TRAF4: variants seen among roughly 807,000 people sequenced by gnomAD.
TRAF4 encodes the protein TNF receptor-associated factor 4.
A neutral mutation model predicts 47.3 loss-of-function variants in TRAF4; 9 were observed. The ratio of observed to expected loss-of-function variants is 0.19; its 90% CI spans 0.11 to 0.33. The LOEUF is 0.33. Among genes scored for constraint, TRAF4 ranks in the 10% least tolerant of loss-of-function variants. The pLI is 1.00. For missense variants in TRAF4, 448 were observed against 620.3 expected (o/e 0.72, Z 2.95); for synonymous variants, 236 against 236.9 (o/e 1.00, Z 0.04).
At position 28,744,163 on chromosome 17, in the gene TRAF4, G is replaced by C. The variant is rs183753634; in HGVS notation, c.51G>C (p.Leu17=). The change falls in exon 1 of 7, where the codon CTG becomes CTC. Residue 17 remains leucine (L), a synonymous_variant. Coordinates refer to ENST00000262395, the MANE Select transcript of TRAF4 (RefSeq NM_004295.4). ...KFLEKPKRRL[L]CPLCGKPMRE... is the part of the protein sequence containing the mutation. ...TGGAGAAGCCCAAGCGACGGCTGCT[G>C]TGCCCACTGTGCGGGAAGCCCATGC... The C allele has an allele frequency of 6.3e-6, 10 of 1,596,050 alleles. No individual in the cohort carries two copies. Among genetic ancestry groups the C allele is most frequent in the African/African-American group, 1.3e-5 (1 of 74,464 alleles).
At chr17:28,744,761 G>A (rs530250868) in intron 1 of TRAF4, 7 of 158,416 alleles carry the variant, frequency 4.4e-5, no homozygotes, top group Non-Finnish European at 9.8e-5. Context: ...GTTACTTAAA[G>A]GCTTAACTAG....
In TRAF4 at chr17:28,744,172, G is replaced by A. The variant is rs199796853; in HGVS notation, c.60G>A (p.Leu20=). Residue 20 remains leucine (L), a synonymous_variant, in exon 1 of 7, where the codon CTG becomes CTA. Transcript: ENST00000262395. The part of the protein sequence containing the change: ...EKPKRRLLCP[L]CGKPMREPVQ... Reference sequence around the variant, plus strand: ...CCAAGCGACGGCTGCTGTGCCCACTGTGCGGGAAGCCCATGCGCGAGCCTG... The same window carrying A: ...CCAAGCGACGGCTGCTGTGCCCACTATGCGGGAAGCCCATGCGCGAGCCTG... 13 of 1,596,914 alleles carry A rather than the reference G, an allele frequency of 8.1e-6. No individual in the cohort carries two copies. Among genetic ancestry groups the A allele is most frequent in the African/African-American group, 8.0e-5 (6 of 74,658 alleles).
chr17:28,747,749 T>C (rs1031305235), intron 2 of TRAF4, 94 bp from the exon 3 acceptor site: 26 of 1,257,208 alleles, frequency 2.1e-5, no homozygotes, highest in Middle Eastern at 2.0e-4. Flanking sequence ...TATTACAGGC[T>C]CCAAGGTAGA....
intron 2 of TRAF4, 34 bp downstream of exon 2, chr17:28,747,298 C>T (rs753228894): frequency 6.2e-7 from 1 of 1,608,050 alleles, no homozygotes; most frequent in Non-Finnish European, 8.5e-7. Context: ...AGCCCAAGCA[C>T]AGTCTGTTGC....
rs35932778 is a variant in TRAF4 at position 28,748,316 on chromosome 17, G to A, written c.517G>A (p.Ala173Thr). The A allele has an allele frequency of 8.7e-3, 14,030 of 1,613,768 alleles. 83 individuals are homozygous for A. Among genetic ancestry groups the A allele is most frequent in the Non-Finnish European group, 1.0e-2 (11,761 of 1,179,952 alleles). The change falls in exon 5 of 7, where the codon GCC becomes ACC. Residue 173 changes from alanine to threonine, a missense_variant. Physicochemically the swap from Ala to Thr is moderately conservative, Grantham distance 58. Transcript: ENST00000262395. The part of the protein sequence containing the change: ...ESVYCENKCG[A>T]RMMRRLLAQH... ...TGTCTACTGTGAGAATAAGTGTGGT[G>A]CCCGCATGATGCGGCGGCTGCTGGC...
In TRAF4 at chr17:28,748,317, C is replaced by A. The variant is rs2034547595; in HGVS notation, c.518C>A (p.Ala173Asp). 3 of 1,613,666 alleles carry A rather than the reference C, an allele frequency of 1.9e-6. No individual in the cohort carries two copies. Among genetic ancestry groups the A allele is most frequent in the Non-Finnish European group, 2.5e-6 (3 of 1,179,952 alleles). Residue 173 changes from alanine (A) to aspartate (D), a missense_variant, in exon 5 of 7, where the codon GCC becomes GAC. Physicochemically the swap from Ala to Asp is moderately radical, Grantham distance 126. Coordinates refer to ENST00000262395, the MANE Select transcript of TRAF4 (RefSeq NM_004295.4). ...ESVYCENKCG[A>D]RMMRRLLAQH... Reference sequence around the variant, plus strand: ...GTCTACTGTGAGAATAAGTGTGGTGCCCGCATGATGCGGCGGCTGCTGGCC... The same window carrying A: ...GTCTACTGTGAGAATAAGTGTGGTGACCGCATGATGCGGCGGCTGCTGGCC...
rs150297549 is a variant in TRAF4 at position 28,747,856 on chromosome 17, C to T, written c.209C>T (p.Pro70Leu). The change falls in exon 3 of 7, where the codon CCG becomes CTG. Residue 70 changes from proline (P) to leucine (L), a missense_variant. Transcript: ENST00000262395. ...PLDYAKIYPD[P>L]ELEVQVLGLP... ...CCCTACCCCCAGATCTACCCAGACC[C>T]GGAGCTGGAAGTACAAGTATTGGGC... is the stretch of plus-strand genomic sequence containing the variant. 1.3e-4 allele frequency: 206 copies of T among 1,613,660 alleles called. 1 individual carries two copies. The African/African-American group carries it at 1.8e-3, about 14-fold the overall frequency.
intron 2 of TRAF4, chr17:28,747,578 A>C: frequency 8.6e-6 from 5 of 583,974 alleles, no homozygotes; most frequent in Non-Finnish European, 1.2e-5. Flanking sequence ...AGGGGAAAGG[A>C]AGCAGAGCCC....
rs1486369191 is a variant in TRAF4 at position 28,747,203 on chromosome 17, C to G, written c.144-10C>G. 2 of 1,613,298 alleles carry G rather than the reference C, an allele frequency of 1.2e-6. No homozygotes were observed. The highest frequency in any genetic ancestry group is 3.3e-5 in the Admixed American group (2 of 59,894). On this transcript the variant is annotated splice_polypyrimidine_tract_variant and intron_variant, in intron 1 of 6. Coordinates refer to ENST00000262395, the MANE Select transcript of TRAF4 (RefSeq NM_004295.4). Reference sequence around the variant, plus strand: ...TGAGAAACCTTTTTCCTGCCCCTCCCCCATTTCAGTGAAGGAGTCTTCAAG... The same window carrying G: ...TGAGAAACCTTTTTCCTGCCCCTCCGCCATTTCAGTGAAGGAGTCTTCAAG...
At chr17:28,746,563 A>G (rs1035043003) in intron 1 of TRAF4, among the ~76,000 whole-genome samples, 2 of 152,200 alleles carry the variant, frequency 1.3e-5, no homozygotes, top group Non-Finnish European at 2.9e-5. Flanking sequence ...TCAGACACAC[A>G]TAGCCAGGTG....
rs757262772 is a variant in TRAF4 at position 28,748,585 on chromosome 17, G to T, written c.699G>T (p.Glu233Asp). ...NQCGVGTVAREDLPGHLKDSC... is the reference protein window; with the variant it reads ...NQCGVGTVARDDLPGHLKDSC... ...GTGGTGTGGGCACTGTGGCTCGGGA[G>T]GACCTGCCAGGCCATCTGAAGGACA... is the stretch of plus-strand genomic sequence containing the variant. Residue 233 changes from glutamate (E) to aspartate (D), a missense_variant, in exon 6 of 7, where the codon GAG (glutamate) becomes GAT (aspartate). Glu to Asp is a conservative substitution (Grantham distance 45). Transcript: ENST00000262395. The T allele has an allele frequency of 9.9e-6, 16 of 1,613,278 alleles. No homozygotes were observed. The highest frequency in any genetic ancestry group is 1.4e-5 in the Non-Finnish European group (16 of 1,179,988).
intron 1 of TRAF4, among the ~76,000 whole-genome samples, chr17:28,745,927 C>T (rs2034506590): frequency 6.6e-6 from 1 of 152,228 alleles, no homozygotes; most frequent in African/African-American, 2.4e-5. Flanking sequence ...GGACCCCCTC[C>T]CCCTGGGCCC....
intron 1 of TRAF4, chr17:28,744,978 C>T (rs2034486599): frequency 1.3e-5 from 2 of 152,472 alleles, no homozygotes; most frequent in South Asian, 2.1e-4. Flanking sequence ...GGCTCTTGGG[C>T]ATCCATCAAG....
Position 28,749,644 on chromosome 17 carries a change from G to A in TRAF4, c.*67G>A. The A allele has an allele frequency of 3.2e-6, 5 of 1,579,234 alleles. No homozygotes were observed. The South Asian group carries it at 5.8e-5, about 18-fold the overall frequency. On this transcript the variant is annotated 3_prime_UTR_variant, in exon 7 of 7. Transcript: ENST00000262395. ...CTCAGTCAGGCACTGGCTGAACTTG[G>A]AGAGGGGGCCGGACCCCCGTCAGCT...
At position 28,749,588 on chromosome 17, in the gene TRAF4, G is replaced by A; in HGVS notation, c.*11G>A. 1 of 1,604,514 alleles carries A rather than the reference G, an allele frequency of 6.2e-7. No homozygotes were observed. Among genetic ancestry groups the A allele is most frequent in the Non-Finnish European group, 8.5e-7 (1 of 1,174,592 alleles). ...AAGATCCTCAGCTGAGTGCAGGTGG[G>A]GTTCGAGGGGAAAGGACGATGGGGC... On this transcript the variant is annotated 3_prime_UTR_variant, in exon 7 of 7. Coordinates refer to ENST00000262395, the MANE Select transcript of TRAF4 (RefSeq NM_004295.4).
In TRAF4 at chr17:28,744,055, G is replaced by A. The variant is rs1303498698; in HGVS notation, c.-58G>A. On this transcript the variant is annotated 5_prime_UTR_variant, in exon 1 of 7. Transcript: ENST00000262395. ...CGGGAGCGCCGCTCCAGCGAGGCGC[G>A]GGCTGTGGGGCCGCCGCGTGCCTGG... The A allele has an allele frequency of 8.4e-7, 1 of 1,189,138 alleles. No individual in the cohort carries two copies. Among genetic ancestry groups the A allele is most frequent in the South Asian group, 2.2e-5 (1 of 45,590 alleles). The allele number at this position is 1,189,138 out of a possible 1,614,324, so 73.7% of individuals were successfully genotyped here. A position where few individuals can be genotyped will look rare whatever the true frequency, so the allele number is the denominator to read the frequency against.
chr17:28,745,285 G>T (rs141742125), intron 1 of TRAF4: 3,566 of 152,490 alleles, frequency 0.023, 73 homozygotes, highest in Non-Finnish European at 0.032. Flanking sequence ...TTTGTTTTCT[G>T]TTCCCCACAG....
In TRAF4 at chr17:28,749,896, TC is replaced by T. The variant is rs747387767; in HGVS notation, c.*322del. ...CTGAGGTGCCTGCTCAGGTGCTATGTCCCAAGAGCCATAAGGGGGTGGGAAT... is the reference window on the plus strand; with the variant it reads ...CTGAGGTGCCTGCTCAGGTGCTATGTCCAAGAGCCATAAGGGGGTGGGAAT... On this transcript the variant is annotated 3_prime_UTR_variant, in exon 7 of 7. Coordinates refer to ENST00000262395, the MANE Select transcript of TRAF4 (RefSeq NM_004295.4). 3.5e-4 allele frequency: 242 copies of T among 701,356 alleles called. 1 individual carries two copies. In the East Asian group the frequency reaches 5.5e-3, roughly 16 times the overall value. 43.4% of individuals were successfully genotyped at this position (701,356 alleles called of 1,614,324 possible). A position where few individuals can be genotyped will look rare whatever the true frequency, so the allele number is the denominator to read the frequency against.
Position 28,747,576 on chromosome 17 carries a change from G to A in TRAF4, c.196-267G>A, listed in dbSNP as rs2034534576. ...GCCAGTATCCCTCCACCAGGGGAAA[G>A]GAAGCAGAGCCCCAGGGACAGCCTG... On this transcript the variant is annotated intron_variant, in intron 2 of 6. Transcript: ENST00000262395. The A allele has an allele frequency of 6.7e-5, 39 of 584,376 alleles. 1 individual carries two copies. The South Asian group carries it at 7.6e-4, about 11-fold the overall frequency. The allele number at this position is 584,376 out of a possible 1,614,324, so 36.2% of individuals were successfully genotyped here.
Sources: gnomAD v4.1 joint callset for allele counts (sites outside exome capture counted in the v4.1 genomes callset) on GRCh38, gnomAD v4.1.1 for gene constraint, MANE v1.5 for transcripts, NCBI Gene and HGNC (gene_info 2026-07-23, HGNC 2026-07-21) for gene names.